BZW2: variants seen among roughly 807,000 people sequenced by gnomAD.
BZW2 encodes basic leucine zipper and W2 domains 2, also known as eIF5-mimic protein 1.
In BZW2, 23 loss-of-function variants were observed where a neutral mutation model predicts 53.2. The ratio of observed to expected loss-of-function variants is 0.43; its 90% CI spans 0.31 to 0.61. The LOEUF is 0.61. BZW2 is among the 20% of genes least tolerant of loss of function. BZW2 has a pLI of 0.09. For synonymous variants in BZW2, 227 were observed against 186.4 expected (o/e 1.22, Z -1.77); for missense variants, 409 against 503.1 (o/e 0.81, Z 1.79).
chr7:16,665,142 C>G (rs746577805), intron 1 of BZW2, among the ~76,000 whole-genome samples: 2 of 152,040 alleles, frequency 1.3e-5, no homozygotes, highest in African/African-American at 2.4e-5. Flanking sequence ...CCCGTCTCTA[C>G]TAAAAATACA....
At chr7:16,665,829 T>C (rs1217343394) in intron 2 of BZW2, among the ~76,000 whole-genome samples, 1 of 152,206 alleles carries the variant, frequency 6.6e-6, no homozygotes, top group African/African-American at 2.4e-5. Flanking sequence ...TCTTTGTCGT[T>C]TTATGAAAAC....
intron 1 of BZW2, among the ~76,000 whole-genome samples, chr7:16,655,078 A>T (rs1275800433): frequency 6.6e-6 from 1 of 152,178 alleles, no homozygotes; most frequent in African/African-American, 2.4e-5. Context: ...GACACACCAG[A>T]TAGCTTCAAA....
chr7:16,702,840 T>C lies in BZW2; in HGVS notation c.1109-1707T>C, dbSNP rs28394635. 5.0e-3 allele frequency among the ~76,000 whole-genome samples: 757 copies of C among 152,292 alleles called. 11 individuals are homozygous for C. The highest frequency in any genetic ancestry group is 0.018 in the African/African-American group (738 of 41,566). ...CAGAACATTAATAATGATAGTTTAA[T>C]AGTGCATGAATATAATTTATAAACT... On this transcript the variant is annotated intron_variant, in intron 10 of 11. Coordinates refer to ENST00000258761, the MANE Select transcript of BZW2 (RefSeq NM_014038.3).
chr7:16,672,896 A>C (rs562874244), intron 2 of BZW2, among the ~76,000 whole-genome samples: 1 of 150,968 alleles, frequency 6.6e-6, no homozygotes, highest in South Asian at 2.1e-4. Context: ...GTGACAGCTC[A>C]TTTATGCTTT....
At chr7:16,674,107 C>T (rs955208172) in intron 2 of BZW2, among the ~76,000 whole-genome samples, 4 of 152,086 alleles carry the variant, frequency 2.6e-5, no homozygotes, top group South Asian at 2.1e-4. Context: ...ATTGTTTTGG[C>T]GAGGCTGGTC....
chr7:16,693,261 A>C (rs1340393086), intron 7 of BZW2, among the ~76,000 whole-genome samples: 1 of 152,174 alleles, frequency 6.6e-6, no homozygotes, highest in Non-Finnish European at 1.5e-5. Flanking sequence ...AATACAAACC[A>C]TGTTCCAAGT....
At chr7:16,695,362 T>TA (rs1783446180) in intron 8 of BZW2, among the ~76,000 whole-genome samples, 1 of 152,224 alleles carries the variant, frequency 6.6e-6, no homozygotes, top group African/African-American at 2.4e-5. Flanking sequence ...CTAACCTGAT[T>TA]AAGCATTTGT....
chr7:16,690,485 G>T (rs983219011), intron 7 of BZW2, among the ~76,000 whole-genome samples: 1 of 152,072 alleles, frequency 6.6e-6, no homozygotes, highest in African/African-American at 2.4e-5. Context: ...GATTATAGGC[G>T]TGAGCCACCA....
intron 1 of BZW2, among the ~76,000 whole-genome samples, chr7:16,646,636 C>G (rs902363404): frequency 6.6e-6 from 1 of 152,084 alleles, no homozygotes; most frequent in Non-Finnish European, 1.5e-5. Context: ...GAGGCTGGGG[C>G]CGGGGCTCTG....
chr7:16,657,334 A>G (rs1444935523), intron 1 of BZW2, among the ~76,000 whole-genome samples: 4 of 152,208 alleles, frequency 2.6e-5, no homozygotes, highest in African/African-American at 9.6e-5. Context: ...TATATAGAAT[A>G]TTGCATTTTG....
chr7:16,654,521 C>T (rs200294016), intron 1 of BZW2, among the ~76,000 whole-genome samples: 3 of 85,156 alleles, frequency 3.5e-5, no homozygotes, highest in Non-Finnish European at 4.7e-5. Flanking sequence ...CCCCCCCCCC[C>T]AAAAAAAAAC....
At chr7:16,704,810 C>T in intron 11 of BZW2, 141 bp downstream of exon 11, 4 of 863,150 alleles carry the variant, frequency 4.6e-6, no homozygotes, top group Non-Finnish European at 6.4e-6. Flanking sequence ...ATTTTGCCAA[C>T]ATCTTAGCTT....
intron 2 of BZW2, among the ~76,000 whole-genome samples, chr7:16,665,882 G>C (rs1476832383): frequency 2.0e-5 from 3 of 152,142 alleles, no homozygotes; most frequent in Non-Finnish European, 4.4e-5. Context: ...ATTAGGAAGT[G>C]AGATATTGAA....
chr7:16,682,869 A>T, intron 5 of BZW2, 24 bp downstream of exon 5: 1 of 1,495,114 alleles, frequency 6.7e-7, no homozygotes, highest in Non-Finnish European at 9.2e-7. Context: ...TATAATGCCT[A>T]TCTGTTTTAT....
rs919575122 is a variant in BZW2 at position 16,685,779 on chromosome 7, G to A, written c.406-126G>A. 4.1e-6 allele frequency: 5 copies of A among 1,219,028 alleles called. No individual in the cohort carries two copies. In the African/African-American group the frequency reaches 6.2e-5, roughly 15 times the overall value. The allele number at this position is 1,219,028 out of a possible 1,614,324, so 75.5% of individuals were successfully genotyped here. A position where few individuals can be genotyped will look rare whatever the true frequency, so the allele number is the denominator to read the frequency against. ...TACTATGCTTTGCATATGACCTTCT[G>A]TTTGTGTGCCACGTAGCCATGGATG... On this transcript the variant is annotated intron_variant, in intron 5 of 11. Transcript: ENST00000258761.
chr7:16,647,765 T>TA (rs898543168), intron 1 of BZW2, among the ~76,000 whole-genome samples: 2 of 152,128 alleles, frequency 1.3e-5, no homozygotes, highest in Non-Finnish European at 2.9e-5. Flanking sequence ...CCCACAAACC[T>TA]AAAAAAACAG....
At chr7:16,666,389 T>TTTTATTTATTTATTTA (rs79317366) in intron 2 of BZW2, among the ~76,000 whole-genome samples, 23,016 of 145,906 alleles carry the variant, frequency 0.16, 2,090 homozygotes, top group Middle Eastern at 0.23. Flanking sequence ...TATAAAAGAC[T>TTTTATTTATTTATTTA]TTTATTTATT....
intron 1 of BZW2, among the ~76,000 whole-genome samples, chr7:16,662,722 C>T (rs1782302328): frequency 6.6e-6 from 1 of 151,816 alleles, no homozygotes; most frequent in African/African-American, 2.4e-5. Context: ...TTTGAAGTCA[C>T]CCTGGTCAAC....
chr7:16,664,705 T>C (rs2128354154), intron 1 of BZW2, among the ~76,000 whole-genome samples: 1 of 152,352 alleles, frequency 6.6e-6, no homozygotes, highest in African/African-American at 2.4e-5. Context: ...TTTGAGGACA[T>C]TTCATGTTCC....
Sources: allele counts gnomAD v4.1 joint callset (sites outside exome capture counted in the v4.1 genomes callset), GRCh38; gene constraint gnomAD v4.1.1; transcripts MANE v1.5; gene names NCBI Gene and HGNC (gene_info 2026-07-23, HGNC 2026-07-21).